Variants in TYW3 observed in about 807,000 individuals in gnomAD.
The protein encoded by TYW3 is tRNA wybutosine-synthesizing protein 3 homolog.
Under a neutral mutation model 23.1 loss-of-function variants are expected in TYW3, and 26 were observed. The observed-to-expected ratio is 1.13, with a 90% CI of 0.83 to 1.56. The LOEUF is 1.56. TYW3 is among the 40% of genes most tolerant of loss of function. The probability of loss-of-function intolerance (pLI) is 0.00; values close to 1 mark genes in which losing one functional copy is unlikely to be tolerated. For missense variants in TYW3, 316 were observed against 311.9 expected (o/e 1.01, Z -0.10); for synonymous variants, 102 against 105.7 (o/e 0.97, Z 0.21).
chr1:74,764,493 A>G lies in TYW3; in HGVS notation c.*380A>G, dbSNP rs896121775. On this transcript the variant is annotated 3_prime_UTR_variant, in exon 6 of 6. Transcript: ENST00000370867. ...AGGGATAGCATAAATATTTTAAGTA[A>G]AAAGACCTTTATTTTAAATAATAGT... 6.3e-5 allele frequency: 10 copies of G among 157,988 alleles called. No individual in the cohort carries two copies. The highest frequency in any genetic ancestry group is 2.4e-4 in the African/African-American group (10 of 41,716). The allele number at this position is 157,988 out of a possible 1,614,324, so 9.8% of individuals were successfully genotyped here.
intron 3 of TYW3, among the ~76,000 whole-genome samples, chr1:74,739,190 C>T (rs1648263827): frequency 6.6e-6 from 1 of 151,900 alleles, no homozygotes; most frequent in Non-Finnish European, 1.5e-5. Context: ...CTTGATTCTC[C>T]TTTTTATACC....
chr1:74,753,876 A>G (rs1478015114), intron 5 of TYW3, among the ~76,000 whole-genome samples: 1 of 152,200 alleles, frequency 6.6e-6, no homozygotes, highest in Admixed American at 6.5e-5. Context: ...AACATGTACT[A>G]TTTTAGATAC....
At chr1:74,763,626 T>C (rs1649200720) in intron 5 of TYW3, among the ~76,000 whole-genome samples, 1 of 152,114 alleles carries the variant, frequency 6.6e-6, no homozygotes, top group Admixed American at 6.6e-5. Context: ...GCATTCTTTT[T>C]TACCCTCTTC....
intron 4 of TYW3, 23 bp downstream of exon 4, chr1:74,748,845 A>C: frequency 6.2e-7 from 1 of 1,607,610 alleles, no homozygotes; most frequent in Non-Finnish European, 8.5e-7. Context: ...GTCAAAGAGT[A>C]ATTTTTTTAG....
At chr1:74,737,931 T>C (rs1256399038) in intron 2 of TYW3, among the ~76,000 whole-genome samples, 1 of 152,154 alleles carries the variant, frequency 6.6e-6, no homozygotes, top group African/African-American at 2.4e-5. Flanking sequence ...GGCAGAGTGA[T>C]GGCATGTACC....
chr1:74,747,728 C>T (rs921715023), intron 3 of TYW3, among the ~76,000 whole-genome samples: 28 of 149,704 alleles, frequency 1.9e-4, no homozygotes, highest in African/African-American at 6.9e-4. Flanking sequence ...TATATGTATA[C>T]ACATATATAC....
At chr1:74,743,301 C>G (rs1055481431) in intron 3 of TYW3, among the ~76,000 whole-genome samples, 1 of 152,120 alleles carries the variant, frequency 6.6e-6, no homozygotes, top group African/African-American at 2.4e-5. Context: ...CAGCCTTTCT[C>G]GGATCTCGCT....
chr1:74,766,487 TC>T lies in TYW3; in HGVS notation c.*2376del, dbSNP rs1324123661. 1 of 151,866 alleles carries T rather than the reference TC, an allele frequency of 6.6e-6. No homozygotes were observed. Among genetic ancestry groups the T allele is most frequent in the African/African-American group, 2.4e-5 (1 of 41,334 alleles). 9.4% of individuals were successfully genotyped at this position (151,866 alleles called of 1,614,324 possible). ...TCTTAGTTTTTCACAAAAAGGTTTT[TC>T]CAATGTTAAAAAAAATATATAAAAA... is the stretch of plus-strand genomic sequence containing the variant. On this transcript the variant is annotated 3_prime_UTR_variant, in exon 6 of 6. Transcript: ENST00000370867.
intron 3 of TYW3, 65 bp downstream of exon 3, chr1:74,738,853 T>C (rs566969475): frequency 8.6e-7 from 1 of 1,157,328 alleles, no homozygotes; most frequent in South Asian, 1.4e-5. Context: ...TTTAAGCTTT[T>C]AACCTGCTAT....
At chr1:74,742,933 G>C (rs961905186) in intron 3 of TYW3, among the ~76,000 whole-genome samples, 7 of 152,170 alleles carry the variant, frequency 4.6e-5, no homozygotes, top group African/African-American at 1.7e-4. Flanking sequence ...AGCCACACCA[G>C]TGTCCAGGAG....
chr1:74,748,671 T>A lies in TYW3; in HGVS notation c.355-80T>A. The A allele has an allele frequency of 3.6e-6, 5 of 1,405,474 alleles. No individual in the cohort carries two copies. The South Asian group carries it at 6.0e-5, about 17-fold the overall frequency. 87.1% of individuals were successfully genotyped at this position (1,405,474 alleles called of 1,614,324 possible). ...CCTTAATAGCTTTTAGGGTTATATA[T>A]GTTTCTGTAGTTTGTGGAGCCAAAC... On this transcript the variant is annotated intron_variant, in intron 3 of 5. Coordinates refer to ENST00000370867, the MANE Select transcript of TYW3 (RefSeq NM_138467.3).
chr1:74,756,224 T>TA (rs1410527930), intron 5 of TYW3, among the ~76,000 whole-genome samples: 2 of 152,214 alleles, frequency 1.3e-5, no homozygotes, highest in Non-Finnish European at 2.9e-5. Flanking sequence ...GCGGAAAAGA[T>TA]ACCCAAAAAT....
At chr1:74,733,583 TA>T in intron 1 of TYW3, 165 bp downstream of exon 1, 1 of 981,988 alleles carries the variant, frequency 1.0e-6, no homozygotes, top group Non-Finnish European at 1.2e-6. Flanking sequence ...TCAGTGCTTC[TA>T]AAAGTTTAAC....
intron 4 of TYW3, among the ~76,000 whole-genome samples, chr1:74,750,559 G>A (rs1420084391): frequency 6.6e-6 from 1 of 151,916 alleles, no homozygotes; most frequent in Non-Finnish European, 1.5e-5. Flanking sequence ...GCAAGACTCT[G>A]TCTCAAAAAT....
At position 74,765,858 on chromosome 1, in the gene TYW3, C is replaced by CTGTT. The variant is rs1553177850; in HGVS notation, c.*1747_*1750dup. 6.6e-6 allele frequency: 1 copy of CTGTT among 152,030 alleles called. No individual in the cohort carries two copies. The highest frequency in any genetic ancestry group is 2.4e-5 in the African/African-American group (1 of 41,398). The allele number at this position is 152,030 out of a possible 1,614,324, so 9.4% of individuals were successfully genotyped here. A position where few individuals can be genotyped will look rare whatever the true frequency, so the allele number is the denominator to read the frequency against. On this transcript the variant is annotated 3_prime_UTR_variant, in exon 6 of 6. Coordinates refer to ENST00000370867, the MANE Select transcript of TYW3 (RefSeq NM_138467.3). ...AAGAAGAGAGGGGCTGCTTCCTAAT[C>CTGTT]TGTTTATATAAGGTATAGTATAGTA... is the stretch of plus-strand genomic sequence containing the variant.
At chr1:74,756,318 G>T (rs1277356430) in intron 5 of TYW3, among the ~76,000 whole-genome samples, 1 of 152,186 alleles carries the variant, frequency 6.6e-6, no homozygotes, top group East Asian at 1.9e-4. Flanking sequence ...ATGTGGGAAA[G>T]TTTGGAACTT....
chr1:74,734,978 A>G (rs745676200), intron 1 of TYW3, among the ~76,000 whole-genome samples: 1 of 152,150 alleles, frequency 6.6e-6, no homozygotes, highest in African/African-American at 2.4e-5. Flanking sequence ...TCAAGTTAGC[A>G]GGGCCTGTTC....
chr1:74,763,514 G>C (rs1208699831), intron 5 of TYW3, among the ~76,000 whole-genome samples: 5 of 152,054 alleles, frequency 3.3e-5, no homozygotes, highest in Admixed American at 3.3e-4. Flanking sequence ...GAAAAATATT[G>C]AGAGGAGTTA....
At chr1:74,745,306 G>A (rs184026693) in intron 3 of TYW3, among the ~76,000 whole-genome samples, 201 of 152,320 alleles carry the variant, frequency 1.3e-3, no homozygotes, top group African/African-American at 4.5e-3. Context: ...CTGCTGGCTC[G>A]AGTGGCCAGC....
Sources: gnomAD v4.1 joint callset for allele counts (sites outside exome capture counted in the v4.1 genomes callset) on GRCh38, gnomAD v4.1.1 for gene constraint, MANE v1.5 for transcripts, NCBI Gene and HGNC (gene_info 2026-07-23, HGNC 2026-07-21) for gene names.